The following HIPK4 variants were observed in gnomAD, a reference collection of about 807,000 sequenced individuals.
HIPK4 encodes homeodomain-interacting protein kinase 4.
Under a neutral mutation model 44.8 loss-of-function variants are expected in HIPK4, and 26 were observed. That is an observed-to-expected ratio of 0.58 (90% CI 0.43 to 0.80). The LOEUF is 0.80. Ranked by LOEUF, HIPK4 falls within the 30% of genes least tolerant of loss-of-function variation. The pLI, the probability that HIPK4 is intolerant of heterozygous loss-of-function variation, is 0.00. For missense variants in HIPK4, 729 were observed against 862.6 expected (o/e 0.85, Z 1.94); for synonymous variants, 340 against 355.5 (o/e 0.96, Z 0.49).
rs746904015 is a variant in HIPK4 at position 40,380,584 on chromosome 19, C to T, written c.1407G>A (p.Ser469=). The change falls in exon 3 of 4, where the codon TCG becomes TCA. Residue 469 remains serine (S), a synonymous_variant. Coordinates refer to ENST00000291823, the MANE Select transcript of HIPK4 (RefSeq NM_144685.5). The surrounding 1 kb of genome is among the most constrained non-coding windows in gnomAD (Gnocchi z 4.2). ...AAITGHHVPD[S]GPEPILAFYS... is the part of the protein sequence containing the mutation. Reference sequence around the variant, plus strand: ...AGAAGGCCAGGATGGGCTCAGGGCCCGAGTCGGGCACATGGTGGCCAGTGA... The same window carrying T: ...AGAAGGCCAGGATGGGCTCAGGGCCTGAGTCGGGCACATGGTGGCCAGTGA... 32 of 1,612,782 alleles carry T rather than the reference C, an allele frequency of 2.0e-5. No individual in the cohort carries two copies. The highest frequency in any genetic ancestry group is 2.6e-5 in the Non-Finnish European group (31 of 1,179,912).
At chr19:40,387,640 G>A (rs2079369195) in intron 1 of HIPK4, among the ~76,000 whole-genome samples, 1 of 151,940 alleles carries the variant, frequency 6.6e-6, no homozygotes, top group Non-Finnish European at 1.5e-5. Context: ...CACCACATCT[G>A]GCTAAGTTTT....
chr19:40,385,724 T>C (rs956684330), intron 1 of HIPK4, among the ~76,000 whole-genome samples: 1 of 145,912 alleles, frequency 6.9e-6, no homozygotes, highest in Non-Finnish European at 1.5e-5. Flanking sequence ...CGGAGGTTTT[T>C]GAGACAGAGT....
rs201520943 is a variant in HIPK4 at position 40,380,500 on chromosome 19, G to T, written c.1491C>A (p.Ser497=). Residue 497 remains serine (S), a synonymous_variant, in exon 3 of 4, where the codon TCC becomes TCA. Transcript: ENST00000291823. This position sits in a 1 kb window ranked among gnomAD's most constrained non-coding sequence, Gnocchi z 4.2. The stretch of plus-strand genomic sequence containing the variant: ...GAATGAGGTTGCTGAAGTTGGAGTC[G>T]GACTTGGAACCCGCAGGTGGCTTGC... ...KARKPPAGSK[S]DSNFSNLIRL... is the part of the protein sequence containing the mutation. 23 of 1,612,662 alleles carry T rather than the reference G, an allele frequency of 1.4e-5. No individual in the cohort carries two copies. The highest frequency in any genetic ancestry group is 1.9e-5 in the Non-Finnish European group (23 of 1,179,988).
Position 40,390,140 on chromosome 19 carries a change from G to GGGGCCCC in HIPK4, c.-245_-239dup. On this transcript the variant is annotated 5_prime_UTR_variant, in exon 1 of 4. Transcript: ENST00000291823. Reference sequence around the variant, plus strand: ...CAGAAACCCTCCTGGCTTGGGATGAGGGGCCCCAGGCCCCACCGAATGGGT... The same window carrying GGGGCCCC: ...CAGAAACCCTCCTGGCTTGGGATGAGGGGCCCCGGGCCCCAGGCCCCACCGAATGGGT... 1.8e-6 allele frequency: 1 copy of GGGGCCCC among 556,234 alleles called. No individual in the cohort carries two copies. Among genetic ancestry groups the GGGGCCCC allele is most frequent in the Non-Finnish European group, 3.2e-6 (1 of 309,568 alleles). 34.5% of individuals were successfully genotyped at this position (556,234 alleles called of 1,614,324 possible).
Position 40,383,882 on chromosome 19 carries a change from G to A in HIPK4, c.723C>T (p.Ala241=), listed in dbSNP as rs372625567. Residue 241 remains alanine (A), a synonymous_variant, in exon 2 of 4, where the codon GCC becomes GCT. Coordinates refer to ENST00000291823, the MANE Select transcript of HIPK4 (RefSeq NM_144685.5). ...QGLPKPHLLH[A]ACKAHHFFKR... is the part of the protein sequence containing the mutation. ...TGAAGAAGTGGTGGGCCTTGCAGGC[G>A]GCGTGCAACAGGTGTGGCTTGGGCA... 16 of 1,614,158 alleles carry A rather than the reference G, an allele frequency of 9.9e-6. No homozygotes were observed. The highest frequency in any genetic ancestry group is 4.5e-5 in the East Asian group (2 of 44,878).
rs376887893 is a variant in HIPK4, at chr19:40,383,942, G to A, written c.663C>T (p.Tyr221=). ...TTTCGCAGATGTAGCGCACCTGGTC[G>A]TACTCGTTGTTGCCGGGGTAGAGAG... ...GWPLYPGNNE[Y]DQVRYICETQ... is the part of the protein sequence containing the mutation. The change falls in exon 2 of 4, where the codon TAC becomes TAT. Residue 221 remains tyrosine (Y), a synonymous_variant. Coordinates refer to ENST00000291823, the MANE Select transcript of HIPK4 (RefSeq NM_144685.5). 1.1e-5 allele frequency: 17 copies of A among 1,614,004 alleles called. No homozygotes were observed. Among genetic ancestry groups the A allele is most frequent in the Admixed American group, 1.7e-5 (1 of 59,992 alleles).
intron 2 of HIPK4, 43 bp downstream of exon 2, chr19:40,383,740 A>T: frequency 6.8e-7 from 1 of 1,473,636 alleles, no homozygotes; most frequent in Non-Finnish European, 9.2e-7. Context: ...TTTTTCATGT[A>T]ACAGCCCCCA....
chr19:40,379,764 T>C lies in HIPK4; in HGVS notation c.1674A>G (p.Pro558=). 1 of 1,610,592 alleles carries C rather than the reference T, an allele frequency of 6.2e-7. No individual in the cohort carries two copies. The highest frequency in any genetic ancestry group is 1.1e-5 in the South Asian group (1 of 90,620). ...TGCTGGGGTCGAAGAGCTCAGGGTC[T>C]GGCCTCTGTGGGGGAAGAGAGAGGG... ...IDNMTMEAER[P]DPELFDPSSC... Residue 558 remains proline, a synonymous_variant, in exon 4 of 4, where the codon CCA becomes CCG. Coordinates refer to ENST00000291823, the MANE Select transcript of HIPK4 (RefSeq NM_144685.5).
chr19:40,387,359 G>A (rs2079367994), intron 1 of HIPK4, among the ~76,000 whole-genome samples: 1 of 152,106 alleles, frequency 6.6e-6, no homozygotes, highest in South Asian at 2.1e-4. Flanking sequence ...CAGGTGCTTG[G>A]CCAACAGCTG....
chr19:40,387,407 C>G (rs1311393860), intron 1 of HIPK4, among the ~76,000 whole-genome samples: 1 of 152,186 alleles, frequency 6.6e-6, no homozygotes. Flanking sequence ...GCCTTTGTCT[C>G]TCCCCATGCC....
Position 40,379,678 on chromosome 19 carries a change from C to T in HIPK4, c.1760G>A (p.Arg587Gln), listed in dbSNP as rs953234208. Residue 587 changes from arginine (R) to glutamine (Q), a missense_variant, in exon 4 of 4, where the codon CGG becomes CAG. Transcript: ENST00000291823. ...DCTLESVRGPRAQGLPPRRSH... is the reference protein window; with the variant it reads ...DCTLESVRGPQAQGLPPRRSH... ...GCGGCGGGGTGGGAGCCCCTGAGCC[C>T]GTGGGCCCCTGACGCTCTCCAGGGT... 14 of 1,571,368 alleles carry T rather than the reference C, an allele frequency of 8.9e-6. No individual in the cohort carries two copies. The highest frequency in any genetic ancestry group is 2.7e-5 in the African/African-American group (2 of 73,578).
rs1003425015 is a variant in HIPK4, at chr19:40,383,941, C to G, written c.664G>C (p.Asp222His). The G allele has an allele frequency of 1.2e-6, 2 of 1,614,090 alleles. No individual in the cohort carries two copies. Among genetic ancestry groups the G allele is most frequent in the South Asian group, 2.2e-5 (2 of 91,066 alleles). Reference protein sequence around the residue: ...WPLYPGNNEYDQVRYICETQG... With the variant: ...WPLYPGNNEYHQVRYICETQG... ...GTTTCGCAGATGTAGCGCACCTGGT[C>G]GTACTCGTTGTTGCCGGGGTAGAGA... is the stretch of plus-strand genomic sequence containing the variant. Residue 222 changes from aspartate (D) to histidine (H), a missense_variant, in exon 2 of 4, where the codon GAC becomes CAC. Asp to His is a moderately conservative substitution (Grantham distance 81). This residue lies in a region of HIPK4 where 533 missense variants were observed against 567.5 expected (regional missense o/e 0.94). Transcript: ENST00000291823.
chr19:40,386,949 C>A (rs1033142967), intron 1 of HIPK4, among the ~76,000 whole-genome samples: 1 of 151,312 alleles, frequency 6.6e-6, no homozygotes, highest in Non-Finnish European at 1.5e-5. Context: ...CCACCTTCCA[C>A]GTTCAAGCGA....
At chr19:40,383,739 TAACA>T in intron 2 of HIPK4, 40 bp downstream of exon 2, 2 of 1,473,596 alleles carry the variant, frequency 1.4e-6, no homozygotes, top group African/African-American at 1.4e-5. Flanking sequence ...TTTTTTCATG[TAACA>T]GCCCCCACAC....
Position 40,389,045 on chromosome 19 carries a change from G to A in HIPK4, c.465+393C>T, listed in dbSNP as rs373158090. Among the ~76,000 whole-genome samples, 88 of 152,196 alleles carry A rather than the reference G, an allele frequency of 5.8e-4. No homozygotes were observed. The highest frequency in any genetic ancestry group is 5.6e-3 in the East Asian group (29 of 5,170). ...AAAAATACAAAAATTAGCCGGGCAT[G>A]GGTGGCGGGCACCTGTATTCCCAGC... On this transcript the variant is annotated intron_variant, in intron 1 of 3. Coordinates refer to ENST00000291823, the MANE Select transcript of HIPK4 (RefSeq NM_144685.5). This position sits in a 1 kb window ranked among gnomAD's most constrained non-coding sequence, Gnocchi z 4.6.
In HIPK4 at chr19:40,380,651, G is replaced by T; in HGVS notation, c.1340C>A (p.Thr447Asn). ...AGHGLWGETC[T>N]NAVSDMMVPL... ...GACCATCATGTCGGAGACCGCATTG[G>T]TGCAGGTCTCACCCCACAGCCCATG... The change falls in exon 3 of 4, where the codon ACC becomes AAC. Residue 447 changes from threonine to asparagine, a missense_variant. Transcript: ENST00000291823. The surrounding 1 kb of genome is among the most constrained non-coding windows in gnomAD (Gnocchi z 4.2). The T allele has an allele frequency of 6.2e-7, 1 of 1,613,904 alleles. No individual in the cohort carries two copies. The highest frequency in any genetic ancestry group is 8.5e-7 in the Non-Finnish European group (1 of 1,179,938).
Position 40,389,987 on chromosome 19 carries a change from C to A in HIPK4, c.-85G>T. On this transcript the variant is annotated 5_prime_UTR_variant, in exon 1 of 4. Transcript: ENST00000291823. This position sits in a 1 kb window ranked among gnomAD's most constrained non-coding sequence, Gnocchi z 4.6. ...CAGGCCTCCCGCCTGGCTGCTGACA[C>A]AGCAGGCCCCCCAGTGGGGGAAAGA... is the stretch of plus-strand genomic sequence containing the variant. The A allele has an allele frequency of 9.6e-7, 1 of 1,046,074 alleles. No individual in the cohort carries two copies. Among genetic ancestry groups the A allele is most frequent in the Non-Finnish European group, 1.4e-6 (1 of 720,772 alleles). The allele number at this position is 1,046,074 out of a possible 1,614,324, so 64.8% of individuals were successfully genotyped here. A position where few individuals can be genotyped will look rare whatever the true frequency, so the allele number is the denominator to read the frequency against.
chr19:40,379,775 GGGGAAGAGA>G lies in HIPK4; in HGVS notation c.1669-15_1669-7del, dbSNP rs753895449. On this transcript the variant is annotated splice_polypyrimidine_tract_variant and splice_region_variant and intron_variant, in intron 3 of 3. Transcript: ENST00000291823. ...AAGAGCTCAGGGTCTGGCCTCTGTG[GGGGAAGAGA>G]GAGGGGCATCAGCCAAGCAGTGTTA... 3.7e-6 allele frequency: 6 copies of G among 1,606,106 alleles called. No individual in the cohort carries two copies. The East Asian group carries it at 1.3e-4, about 36-fold the overall frequency.
Position 40,379,487 on chromosome 19 carries a change from T to C in HIPK4, c.*100A>G, listed in dbSNP as rs1294173557. 32 of 1,001,204 alleles carry C rather than the reference T, an allele frequency of 3.2e-5. No individual in the cohort carries two copies. Among genetic ancestry groups the C allele is most frequent in the Non-Finnish European group, 4.1e-5 (29 of 715,334 alleles). 62.0% of individuals were successfully genotyped at this position (1,001,204 alleles called of 1,614,324 possible). A position where few individuals can be genotyped will look rare whatever the true frequency, so the allele number is the denominator to read the frequency against. On this transcript the variant is annotated 3_prime_UTR_variant, in exon 4 of 4. Coordinates refer to ENST00000291823, the MANE Select transcript of HIPK4 (RefSeq NM_144685.5). ...ATAACTATCTTTCTGTAAGAATAAT[T>C]TGTGGGTTCAGGAGATGGCTCTGAG...
Sources: gnomAD v4.1 joint callset for allele counts (sites outside exome capture counted in the v4.1 genomes callset) on GRCh38, gnomAD v4.1.1 for gene constraint, gnomAD v4.1.1 regional missense constraint, Gnocchi (gnomAD v3.1) non-coding constraint, MANE v1.5 for transcripts, NCBI Gene and HGNC (gene_info 2026-07-23, HGNC 2026-07-21) for gene names.